The following DYNC1LI2 variants were observed in gnomAD, a reference collection of about 807,000 sequenced individuals.
DYNC1LI2 encodes dynein cytoplasmic 1 light intermediate chain 2, also known as cytoplasmic dynein 1 light intermediate chain 2.
DYNC1LI2 carries 19 observed loss-of-function variants against 57.8 expected under a neutral mutation model. The observed-to-expected ratio is 0.33, with a 90% CI of 0.23 to 0.48. The LOEUF is 0.48. Among genes scored for constraint, DYNC1LI2 ranks in the 20% least tolerant of loss-of-function variants. The pLI, the probability that DYNC1LI2 is intolerant of heterozygous loss-of-function variation, is 0.99. For synonymous variants in DYNC1LI2, 256 were observed against 233.4 expected (o/e 1.10, Z -0.88); for missense variants, 470 against 604.2 (o/e 0.78, Z 2.33).
At chr16:66,749,391 C>G in intron 2 of DYNC1LI2, 78 bp from the exon 3 acceptor site, 1 of 1,345,916 alleles carries the variant, frequency 7.4e-7, no homozygotes, top group Non-Finnish European at 1.1e-6. Flanking sequence ...TCACATGACA[C>G]GGAGAAACTA....
chr16:66,745,542 T>G (rs2017920164), intron 3 of DYNC1LI2, among the ~76,000 whole-genome samples: 2 of 150,816 alleles, frequency 1.3e-5, no homozygotes, highest in Non-Finnish European at 3.0e-5. Flanking sequence ...CCTCACAAAG[T>G]GCTGGGATTA....
In DYNC1LI2 at chr16:66,722,997, C is replaced by T; in HGVS notation, c.*725G>A. 3.8e-6 allele frequency: 1 copy of T among 261,904 alleles called. No individual in the cohort carries two copies. The allele number at this position is 261,904 out of a possible 1,614,324, so 16.2% of individuals were successfully genotyped here. On this transcript the variant is annotated 3_prime_UTR_variant, in exon 13 of 13. Coordinates refer to ENST00000258198, the MANE Select transcript of DYNC1LI2 (RefSeq NM_006141.3). Reference sequence around the variant, plus strand: ...CCCAGTACCTCTCACGAGGACATAGCCTGGGCCAAGCACATGGGTCCTGGG... The same window carrying T: ...CCCAGTACCTCTCACGAGGACATAGTCTGGGCCAAGCACATGGGTCCTGGG...
chr16:66,749,719 C>T (rs2018006517), intron 2 of DYNC1LI2, among the ~76,000 whole-genome samples: 1 of 152,118 alleles, frequency 6.6e-6, no homozygotes, highest in South Asian at 2.1e-4. Context: ...ACCTAAAAGT[C>T]CAGGTACTGT....
At chr16:66,746,234 G>A (rs1429407835) in intron 3 of DYNC1LI2, among the ~76,000 whole-genome samples, 2 of 152,038 alleles carry the variant, frequency 1.3e-5, no homozygotes, top group Admixed American at 6.6e-5. Context: ...CCCACTACAC[G>A]TAACTCACCC....
At chr16:66,734,126 A>G in intron 6 of DYNC1LI2, 92 bp downstream of exon 6, 7 of 1,152,024 alleles carry the variant, frequency 6.1e-6, no homozygotes, top group Non-Finnish European at 8.9e-6. Context: ...GCAGAACACT[A>G]TTCTGGGTTT....
intron 8 of DYNC1LI2, 61 bp from the exon 9 acceptor site, chr16:66,729,160 CTT>C: frequency 1.3e-6 from 2 of 1,589,698 alleles, no homozygotes; most frequent in Non-Finnish European, 1.7e-6. Context: ...CACTGTCAAA[CTT>C]CATGCCGAAA....
intron 8 of DYNC1LI2, 66 bp downstream of exon 8, chr16:66,730,046 G>T (rs2017607586): frequency 1.4e-6 from 2 of 1,417,262 alleles, no homozygotes; most frequent in Non-Finnish European, 1.9e-6. Context: ...CTCCCAAAGT[G>T]CTGGGATTAC....
chr16:66,725,954 A>T lies in DYNC1LI2; in HGVS notation c.1262-10T>A. 6.2e-7 allele frequency: 1 copy of T among 1,606,042 alleles called. No homozygotes were observed. Among genetic ancestry groups the T allele is most frequent in the African/African-American group, 1.3e-5 (1 of 74,312 alleles). ...TCACTTGCTGCATTATCTAAGGAAA[A>T]TTAAAGAGAAAAAAAAGCATCATAT... On this transcript the variant is annotated splice_polypyrimidine_tract_variant and intron_variant, in intron 11 of 12. Transcript: ENST00000258198.
intron 3 of DYNC1LI2, among the ~76,000 whole-genome samples, chr16:66,746,162 G>A (rs2017932610): frequency 6.6e-6 from 1 of 152,114 alleles, no homozygotes; most frequent in South Asian, 2.1e-4. Context: ...CCCAAAGTCT[G>A]TGGGTTTTAA....
rs1355679486 is a variant in DYNC1LI2 at position 66,721,217 on chromosome 16, C to A, written c.*2505G>T. The A allele has an allele frequency of 2.0e-5, 3 of 151,848 alleles. No individual in the cohort carries two copies. Among genetic ancestry groups the A allele is most frequent in the Non-Finnish European group, 2.9e-5 (2 of 67,856 alleles). 9.4% of individuals were successfully genotyped at this position (151,848 alleles called of 1,614,324 possible). ...TAAATACCGATTTTAAAATGCCAATCAAAAAAAAGTGCAAACAAAATAACA... is the reference window on the plus strand; with the variant it reads ...TAAATACCGATTTTAAAATGCCAATAAAAAAAAAGTGCAAACAAAATAACA... On this transcript the variant is annotated 3_prime_UTR_variant, in exon 13 of 13. Coordinates refer to ENST00000258198, the MANE Select transcript of DYNC1LI2 (RefSeq NM_006141.3).
intron 11 of DYNC1LI2, 74 bp from the exon 12 acceptor site, chr16:66,726,018 C>T (rs2017531041): frequency 1.3e-6 from 2 of 1,509,240 alleles, no homozygotes; most frequent in South Asian, 1.2e-5. Context: ...TAGTTCTCAG[C>T]TTGGCATTAG....
Position 66,727,754 on chromosome 16 carries a change from C to G in DYNC1LI2, c.1195G>C (p.Gly399Arg). 1 of 1,614,080 alleles carries G rather than the reference C, an allele frequency of 6.2e-7. No homozygotes were observed. The highest frequency in any genetic ancestry group is 8.5e-7 in the Non-Finnish European group (1 of 1,180,002). ...SGSPRTQGRG[G>R]PASVPSSSPG... ...GAGGAGCTAGGCACACTGGCTGGCC[C>G]TCCCCGACCCTGGGTCCTTGGAGAG... The change falls in exon 11 of 13, where the codon GGG (glycine) becomes CGG (arginine). Residue 399 changes from glycine to arginine, a missense_variant. By Grantham distance (125) the Gly-to-Arg change is moderately radical (BLOSUM62 -2). Coordinates refer to ENST00000258198, the MANE Select transcript of DYNC1LI2 (RefSeq NM_006141.3).
At position 66,723,587 on chromosome 16, in the gene DYNC1LI2, T is replaced by G. The variant is rs1441320409; in HGVS notation, c.*135A>C. 5 of 751,598 alleles carry G rather than the reference T, an allele frequency of 6.7e-6. No homozygotes were observed. The African/African-American group carries it at 7.1e-5, about 11-fold the overall frequency. 46.6% of individuals were successfully genotyped at this position (751,598 alleles called of 1,614,324 possible). A position where few individuals can be genotyped will look rare whatever the true frequency, so the allele number is the denominator to read the frequency against. On this transcript the variant is annotated 3_prime_UTR_variant, in exon 13 of 13. Transcript: ENST00000258198. The stretch of plus-strand genomic sequence containing the variant: ...CACACTCGGACAAGCCAATGAAGTT[T>G]TTTTTTTTTTTTTAAAGTTCATCTC...
At chr16:66,730,472 C>T (rs1029238934) in intron 7 of DYNC1LI2, 3 of 351,850 alleles carry the variant, frequency 8.5e-6, no homozygotes, top group Non-Finnish European at 1.6e-5. Flanking sequence ...AGATCCCATT[C>T]CACAGGCTGC....
In DYNC1LI2 at chr16:66,751,160, TC is replaced by T; in HGVS notation, c.181+112del. On this transcript the variant is annotated intron_variant, in intron 2 of 12. Transcript: ENST00000258198. The surrounding 1 kb of genome is among the most constrained non-coding windows in gnomAD (Gnocchi z 5.2). ...GACCGGCCAGGGCCGACGGTCCCTT[TC>T]CCGCCAGGCTGCGGGCAGGCGGCTG... The T allele has an allele frequency of 7.8e-7, 1 of 1,277,598 alleles. No homozygotes were observed. Among genetic ancestry groups the T allele is most frequent in the Non-Finnish European group, 1.1e-6 (1 of 937,452 alleles). The allele number at this position is 1,277,598 out of a possible 1,614,324, so 79.1% of individuals were successfully genotyped here. A position where few individuals can be genotyped will look rare whatever the true frequency, so the allele number is the denominator to read the frequency against.
intron 4 of DYNC1LI2, among the ~76,000 whole-genome samples, chr16:66,741,905 A>AG (rs2017845217): frequency 1.3e-5 from 2 of 149,932 alleles, no homozygotes; most frequent in Admixed American, 1.3e-4. Context: ...TACAAAAAAA[A>AG]AAAAAAAAAA....
intron 12 of DYNC1LI2, among the ~76,000 whole-genome samples, chr16:66,724,370 C>T (rs2017500354): frequency 6.6e-6 from 1 of 152,082 alleles, no homozygotes; most frequent in African/African-American, 2.4e-5. Flanking sequence ...ACCTATTTCC[C>T]AGAAGGGAAT....
At position 66,749,318 on chromosome 16, in the gene DYNC1LI2, A is replaced by G. The variant is rs2017998307; in HGVS notation, c.182-5T>C. ...TTTTACCAGAACCATCTTCACCTAC[A>G]AAGGATGTTTGCAAGACAAAGGTGT... On this transcript the variant is annotated splice_polypyrimidine_tract_variant and splice_region_variant and intron_variant, in intron 2 of 12. Coordinates refer to ENST00000258198, the MANE Select transcript of DYNC1LI2 (RefSeq NM_006141.3). 1 of 1,613,986 alleles carries G rather than the reference A, an allele frequency of 6.2e-7. No individual in the cohort carries two copies. The highest frequency in any genetic ancestry group is 1.7e-5 in the Admixed American group (1 of 60,028).
At chr16:66,727,876 G>T in intron 10 of DYNC1LI2, 71 bp from the exon 11 acceptor site, 1 of 1,329,200 alleles carries the variant, frequency 7.5e-7, no homozygotes, top group Non-Finnish European at 1.1e-6. Context: ...CACAAATGGA[G>T]ACATGCTTCT....
Sources: allele counts gnomAD v4.1 joint callset (sites outside exome capture counted in the v4.1 genomes callset), GRCh38; gene constraint gnomAD v4.1.1; non-coding constraint Gnocchi (gnomAD v3.1); transcripts MANE v1.5; gene names NCBI Gene and HGNC (gene_info 2026-07-23, HGNC 2026-07-21).